EPHA5: variants seen among roughly 807,000 people sequenced by gnomAD.
The protein encoded by EPHA5 is EPH receptor A5.
A neutral mutation model predicts 105.0 loss-of-function variants in EPHA5; 60 were observed. The observed-to-expected ratio is 0.57, with a 90% CI of 0.46 to 0.71. EPHA5 has a LOEUF of 0.71. EPHA5 is among the 30% of genes least tolerant of loss of function. The probability of loss-of-function intolerance (pLI) is 0.00; values close to 1 mark genes in which losing one functional copy is unlikely to be tolerated. For missense variants in EPHA5, 1,218 were observed against 1,274.7 expected (o/e 0.96, Z 0.68); for synonymous variants, 513 against 449.1 (o/e 1.14, Z -1.80).
chr4:65,510,165 G>A (rs1733468161), intron 3 of EPHA5, among the ~76,000 whole-genome samples: 1 of 150,776 alleles, frequency 6.6e-6, no homozygotes, highest in African/African-American at 2.4e-5. Context: ...CTCCCGAGTA[G>A]CTGGTATTAC....
At chr4:65,618,033 A>C (rs189236773) in intron 2 of EPHA5, among the ~76,000 whole-genome samples, 1 of 152,182 alleles carries the variant, frequency 6.6e-6, no homozygotes. Flanking sequence ...CATATAAAAT[A>C]GAATGTTAAA....
At chr4:65,528,224 C>G (rs1040759511) in intron 3 of EPHA5, among the ~76,000 whole-genome samples, 2 of 152,028 alleles carry the variant, frequency 1.3e-5, no homozygotes, top group Non-Finnish European at 2.9e-5. Flanking sequence ...CATCACACGT[C>G]GGCAAAACCA....
intron 13 of EPHA5, among the ~76,000 whole-genome samples, chr4:65,350,862 G>T (rs1388889111): frequency 6.6e-6 from 1 of 151,936 alleles, no homozygotes; most frequent in Non-Finnish European, 1.5e-5. Flanking sequence ...CTTTTTGAAG[G>T]AATAGCTCTT....
intron 4 of EPHA5, among the ~76,000 whole-genome samples, chr4:65,492,152 A>G (rs1271331318): frequency 3.3e-5 from 5 of 152,090 alleles, no homozygotes; most frequent in Admixed American, 1.3e-4. Flanking sequence ...GATTGTTTTA[A>G]AAGTGGTAAG....
At chr4:65,573,252 A>C (rs1177495198) in intron 3 of EPHA5, among the ~76,000 whole-genome samples, 2 of 151,412 alleles carry the variant, frequency 1.3e-5, no homozygotes, top group Non-Finnish European at 2.9e-5. Context: ...TCTACTAAAA[A>C]CACAAAAAAT....
intron 3 of EPHA5, among the ~76,000 whole-genome samples, chr4:65,543,796 C>A (rs965958931): frequency 6.6e-6 from 1 of 151,570 alleles, no homozygotes; most frequent in Non-Finnish European, 1.5e-5. Flanking sequence ...ACAAAGCCAG[C>A]GATATCACAC....
intron 8 of EPHA5, among the ~76,000 whole-genome samples, chr4:65,373,751 G>A (rs1388989530): frequency 6.6e-6 from 1 of 151,808 alleles, no homozygotes; most frequent in African/African-American, 2.4e-5. Flanking sequence ...ATAGGTAAAT[G>A]CATAAAATAA....
At chr4:65,648,873 G>GT (rs1187242534) in intron 1 of EPHA5, among the ~76,000 whole-genome samples, 1 of 152,182 alleles carries the variant, frequency 6.6e-6, no homozygotes, top group Non-Finnish European at 1.5e-5. Context: ...AAATTTTGTA[G>GT]TTTGACAACT....
At chr4:65,488,644 G>T (rs1731107975) in intron 5 of EPHA5, among the ~76,000 whole-genome samples, 1 of 152,106 alleles carries the variant, frequency 6.6e-6, no homozygotes, top group Admixed American at 6.6e-5. Context: ...CTTAGGTTAG[G>T]TAGTAAATGG....
At chr4:65,377,160 C>G (rs1184632703) in intron 8 of EPHA5, 1 of 1,203,832 alleles carries the variant, frequency 8.3e-7, no homozygotes, top group Non-Finnish European at 1.1e-6. Flanking sequence ...GTCTGCTTTC[C>G]TTTTCAAAAT....
chr4:65,642,872 T>C (rs1747785678), intron 2 of EPHA5, among the ~76,000 whole-genome samples: 1 of 152,030 alleles, frequency 6.6e-6, no homozygotes, highest in South Asian at 2.1e-4. Flanking sequence ...TATCTCAATG[T>C]CATTTAAAGG....
chr4:65,562,145 G>C (rs1486726132), intron 3 of EPHA5, among the ~76,000 whole-genome samples: 1 of 152,038 alleles, frequency 6.6e-6, no homozygotes, highest in South Asian at 2.1e-4. Context: ...TGGCTTGCTA[G>C]GCATGTTATT....
intron 3 of EPHA5, among the ~76,000 whole-genome samples, chr4:65,558,263 C>T (rs2149352554): frequency 6.6e-6 from 1 of 152,122 alleles, no homozygotes; most frequent in Non-Finnish European, 1.5e-5. Flanking sequence ...GTGCATTTAT[C>T]ATTATTGGTA....
intron 3 of EPHA5, among the ~76,000 whole-genome samples, chr4:65,504,944 T>C (rs958160653): frequency 6.6e-6 from 1 of 152,052 alleles, no homozygotes; most frequent in African/African-American, 2.4e-5. Flanking sequence ...TTACTTAAGA[T>C]GCTAAGCAGT....
chr4:65,541,177 T>G (rs932687955), intron 3 of EPHA5, among the ~76,000 whole-genome samples: 3 of 151,546 alleles, frequency 2.0e-5, no homozygotes, highest in Non-Finnish European at 4.4e-5. Flanking sequence ...AGTGACATTA[T>G]GAATAAATGG....
intron 14 of EPHA5, among the ~76,000 whole-genome samples, chr4:65,339,682 T>C (rs1324099400): frequency 6.6e-6 from 1 of 151,854 alleles, no homozygotes; most frequent in African/African-American, 2.4e-5. Context: ...TATTTGCTTA[T>C]TCCATTTTAG....
At chr4:65,594,512 G>T (rs570721313) in intron 3 of EPHA5, among the ~76,000 whole-genome samples, 42 of 152,246 alleles carry the variant, frequency 2.8e-4, no homozygotes, top group African/African-American at 9.9e-4. Context: ...GCATTTGCCT[G>T]TTACATTTAT....
chr4:65,408,403 G>C (rs899892375), intron 7 of EPHA5, among the ~76,000 whole-genome samples: 3 of 151,902 alleles, frequency 2.0e-5, no homozygotes, highest in Non-Finnish European at 2.9e-5. Context: ...AAATATCATG[G>C]GAACACTTAA....
At chr4:65,639,262 T>C (rs1439802466) in intron 2 of EPHA5, among the ~76,000 whole-genome samples, 5 of 152,222 alleles carry the variant, frequency 3.3e-5, no homozygotes, top group Non-Finnish European at 1.5e-5. Flanking sequence ...ATATTTCCAG[T>C]AGTAAAAATA....
Sources: allele counts gnomAD v4.1 joint callset (sites outside exome capture counted in the v4.1 genomes callset), GRCh38; gene constraint gnomAD v4.1.1; transcripts MANE v1.5; gene names NCBI Gene and HGNC (gene_info 2026-07-23, HGNC 2026-07-21).